The following P2RY8 variants were observed in gnomAD, a reference collection of about 807,000 sequenced individuals.
The protein encoded by P2RY8 is P2Y receptor family member 8, also known as S-geranylgeranyl-glutathione receptor P2RY8.
P2RY8 carries 6 observed loss-of-function variants against 10.0 expected under a neutral mutation model. The ratio of observed to expected loss-of-function variants is 0.60; its 90% CI spans 0.33 to 1.19. The LOEUF (loss-of-function observed/expected upper bound fraction) is 1.19. Among genes scored for constraint, P2RY8 ranks in the 50% most tolerant of loss-of-function variants. The probability of loss-of-function intolerance (pLI) is 0.04; values close to 1 mark genes in which losing one functional copy is unlikely to be tolerated. For missense variants in P2RY8, 456 were observed against 542.0 expected (o/e 0.84, Z 1.58); for synonymous variants, 276 against 252.5 (o/e 1.09, Z -0.88).
chrX:1,486,153 G>A lies in P2RY8; in HGVS notation c.-24-19571C>T, dbSNP rs772855802. ...GAATCGCTTGAACCCGGGAGGCGGA[G>A]GTTGCAGTGAGCGGAGATCATGCCA... On this transcript the variant is annotated intron_variant, in intron 1 of 1. Transcript: ENST00000381297. 5.9e-5 allele frequency among the ~76,000 whole-genome samples: 9 copies of A among 152,340 alleles called. No individual in the cohort carries two copies. In the South Asian group the frequency reaches 1.9e-3, roughly 32 times the overall value.
chrX:1,524,848 TCC>T (rs1202997412), intron 1 of P2RY8, among the ~76,000 whole-genome samples: 12 of 93,856 alleles, frequency 1.3e-4, no homozygotes, highest in Middle Eastern at 7.7e-3. Context: ...CATCCATCCA[TCC>T]ACTCATCCAT....
At chrX:1,475,543 G>A (rs1441183504) in intron 1 of P2RY8, among the ~76,000 whole-genome samples, 2 of 151,660 alleles carry the variant, frequency 1.3e-5, no homozygotes, top group African/African-American at 4.9e-5. Flanking sequence ...GGCAGCTGTC[G>A]CAAACCAATA....
intron 1 of P2RY8, among the ~76,000 whole-genome samples, chrX:1,525,340 G>A (rs1254520075): frequency 6.6e-6 from 1 of 152,136 alleles, no homozygotes; most frequent in African/African-American, 2.4e-5. Flanking sequence ...ACTGCATTTG[G>A]GTGGGGACTT....
At chrX:1,478,577 C>A (rs2091902250) in intron 1 of P2RY8, among the ~76,000 whole-genome samples, 1 of 152,004 alleles carries the variant, frequency 6.6e-6, no homozygotes, top group Non-Finnish European at 1.5e-5. Context: ...CTCCCGGGTT[C>A]AAGCGATTCT....
intron 1 of P2RY8, among the ~76,000 whole-genome samples, chrX:1,482,309 A>C (rs1301539472): frequency 1.4e-5 from 2 of 147,776 alleles, no homozygotes; most frequent in African/African-American, 2.5e-5. Context: ...AAAAAAAAAA[A>C]CCCAAAGTGG....
At chrX:1,490,939 C>A (rs1311307274) in intron 1 of P2RY8, among the ~76,000 whole-genome samples, 2 of 143,840 alleles carry the variant, frequency 1.4e-5, no homozygotes, top group African/African-American at 5.3e-5. Context: ...ATGAATGATA[C>A]CCCAGATTCA....
chrX:1,475,247 G>GTGGATGGATGGGTGGA (rs1410841922), intron 1 of P2RY8, among the ~76,000 whole-genome samples: 6 of 149,780 alleles, frequency 4.0e-5, no homozygotes, highest in Non-Finnish European at 8.9e-5. Context: ...GGATGGGTAG[G>GTGGATGGATGGGTGGA]TGGATGGATG....
chrX:1,469,586 A>G (rs759893370), intron 1 of P2RY8, among the ~76,000 whole-genome samples: 2 of 151,814 alleles, frequency 1.3e-5, no homozygotes, highest in South Asian at 4.2e-4. Context: ...CCTCTCACTT[A>G]TTTCTTCTTA....
At chrX:1,501,508 C>T (rs1160543593) in intron 1 of P2RY8, among the ~76,000 whole-genome samples, 1 of 152,136 alleles carries the variant, frequency 6.6e-6, no homozygotes, top group African/African-American at 2.4e-5. Context: ...ACCACAGGTG[C>T]TCACCACCAT....
intron 1 of P2RY8, among the ~76,000 whole-genome samples, chrX:1,532,499 A>T (rs2092486413): frequency 7.3e-6 from 1 of 136,394 alleles, no homozygotes; most frequent in African/African-American, 3.0e-5. Flanking sequence ...ATATATACAC[A>T]TATATGTATA....
chrX:1,514,338 TCCTTC>T (rs1195049076), intron 1 of P2RY8, among the ~76,000 whole-genome samples: 3 of 124,962 alleles, frequency 2.4e-5, no homozygotes, highest in Non-Finnish European at 5.5e-5. Context: ...TTCTTTCCTT[TCCTTC>T]CCTTCCCTTT....
intron 1 of P2RY8, among the ~76,000 whole-genome samples, chrX:1,509,099 G>GTCTATC (rs2092266749): frequency 1.9e-3 from 265 of 137,554 alleles, no homozygotes; most frequent in Middle Eastern, 4.0e-3. Context: ...ATGTATCTAT[G>GTCTATC]TATCTATCTA....
chrX:1,471,194 G>T (rs1375907778), intron 1 of P2RY8, among the ~76,000 whole-genome samples: 1 of 151,766 alleles, frequency 6.6e-6, no homozygotes, highest in Non-Finnish European at 1.5e-5. Flanking sequence ...TTTTAGTAGA[G>T]ACAGGGTTTC....
rs149153801 is a variant in P2RY8 at position 1,504,667 on chromosome X, C to A, written c.-25+32254G>T. 2.3e-3 allele frequency among the ~76,000 whole-genome samples: 347 copies of A among 152,178 alleles called. 6 individuals carry two copies. The highest frequency in any genetic ancestry group is 7.8e-3 in the African/African-American group (324 of 41,516). On this transcript the variant is annotated intron_variant, in intron 1 of 1. Coordinates refer to ENST00000381297, the MANE Select transcript of P2RY8 (RefSeq NM_178129.5). ...AGGAGTTTGAGACCAGCCTGGCCAA[C>A]ATGGTGAAATCCCATCTCTACTAAA... is the stretch of plus-strand genomic sequence containing the variant.
At chrX:1,525,023 C>A (rs1221709705) in intron 1 of P2RY8, among the ~76,000 whole-genome samples, 3 of 152,218 alleles carry the variant, frequency 2.0e-5, no homozygotes, top group Admixed American at 6.5e-5. Context: ...GCAGCTTCTT[C>A]ACCCTCTCAT....
At chrX:1,504,882 C>T (rs113054037) in intron 1 of P2RY8, among the ~76,000 whole-genome samples, 2,670 of 152,208 alleles carry the variant, frequency 0.018, 69 homozygotes, top group African/African-American at 0.06. Flanking sequence ...CCTGTCATCC[C>T]AGCACTTTGG....
At chrX:1,516,653 C>T (rs1331000313) in intron 1 of P2RY8, among the ~76,000 whole-genome samples, 2 of 151,780 alleles carry the variant, frequency 1.3e-5, no homozygotes, top group African/African-American at 2.4e-5. Flanking sequence ...GGATCTCAGA[C>T]CTCCAGCTCC....
At chrX:1,475,233 G>T (rs2091862165) in intron 1 of P2RY8, among the ~76,000 whole-genome samples, 1 of 151,064 alleles carries the variant, frequency 6.6e-6, no homozygotes, top group Non-Finnish European at 1.5e-5. Context: ...ATGGATGAGT[G>T]GGTGGATGGG....
At chrX:1,526,519 T>C (rs1374467757) in intron 1 of P2RY8, among the ~76,000 whole-genome samples, 1 of 151,884 alleles carries the variant, frequency 6.6e-6, no homozygotes, top group African/African-American at 2.4e-5. Flanking sequence ...CATCCATGCA[T>C]GGATGGATGG....
Sources: gnomAD v4.1 joint callset for allele counts (sites outside exome capture counted in the v4.1 genomes callset) on GRCh38, gnomAD v4.1.1 for gene constraint, MANE v1.5 for transcripts, NCBI Gene and HGNC (gene_info 2026-07-23, HGNC 2026-07-21) for gene names.